AFDN: variants seen among roughly 807,000 people sequenced by gnomAD.
AFDN encodes the protein afadin.
In AFDN, 68 loss-of-function variants were observed where a neutral mutation model predicts 216.6. The observed-to-expected ratio is 0.31, with a 90% CI of 0.26 to 0.38. The LOEUF is 0.38. AFDN is among the 10% of genes least tolerant of loss of function. The pLI is 1.00. For missense variants in AFDN, 2,136 were observed against 2,342.0 expected (o/e 0.91, Z 1.82); for synonymous variants, 868 against 853.7 (o/e 1.02, Z -0.29).
intron 1 of AFDN, among the ~76,000 whole-genome samples, chr6:167,852,230 C>T (rs1427083534): frequency 6.6e-6 from 1 of 152,126 alleles, no homozygotes; most frequent in African/African-American, 2.4e-5. Context: ...TGTGGTTTTG[C>T]AGTTAATTTA....
At chr6:167,923,038 C>G (rs528197806) in intron 22 of AFDN, 79 bp downstream of exon 22, 347 of 992,170 alleles carry the variant, frequency 3.5e-4, no homozygotes, top group Non-Finnish European at 5.2e-4. Flanking sequence ...TTCTTTCTTA[C>G]ACTGAAGATT....
At chr6:167,904,628 C>A (rs1789419617) in intron 12 of AFDN, among the ~76,000 whole-genome samples, 2 of 152,126 alleles carry the variant, frequency 1.3e-5, no homozygotes. Flanking sequence ...TTCCCTGATC[C>A]TTCCCCACCT....
In AFDN at chr6:167,969,101, T is replaced by C. The variant is rs778947784; in HGVS notation, c.5258-13T>C. The C allele has an allele frequency of 1.2e-6, 2 of 1,603,356 alleles. No individual in the cohort carries two copies. The highest frequency in any genetic ancestry group is 3.3e-5 in the Admixed American group (2 of 60,012). On this transcript the variant is annotated splice_polypyrimidine_tract_variant and intron_variant, in intron 32 of 33. Transcript: ENST00000683244. The stretch of plus-strand genomic sequence containing the variant: ...CAGGTACTTTAACTTGTACTGTTTC[T>C]TTCATGGAAAAGGACCAAACTCTTA...
chr6:167,830,298 G>T (rs1185189030), intron 1 of AFDN, among the ~76,000 whole-genome samples: 1 of 152,154 alleles, frequency 6.6e-6, no homozygotes, highest in African/African-American at 2.4e-5. Flanking sequence ...ACTTGTCATT[G>T]TCATTGGTAT....
Position 167,971,217 on chromosome 6 carries a change from G to A in AFDN, c.*1282G>A, listed in dbSNP as rs927288121. 5 of 218,902 alleles carry A rather than the reference G, an allele frequency of 2.3e-5. No homozygotes were observed. Among genetic ancestry groups the A allele is most frequent in the African/African-American group, 4.5e-5 (2 of 44,544 alleles). The allele number at this position is 218,902 out of a possible 1,614,324, so 13.6% of individuals were successfully genotyped here. A position where few individuals can be genotyped will look rare whatever the true frequency, so the allele number is the denominator to read the frequency against. ...TACCATATTGTTCTCTTACACATAC[G>A]TATGTTAGGAAAATAGGCACACTTT... On this transcript the variant is annotated 3_prime_UTR_variant, in exon 34 of 34. Coordinates refer to ENST00000683244, the MANE Select transcript of AFDN (RefSeq NM_001386888.1).
intron 7 of AFDN, 75 bp from the exon 8 acceptor site, chr6:167,890,787 A>G (rs1787466411): frequency 2.8e-6 from 4 of 1,422,210 alleles, no homozygotes; most frequent in Non-Finnish European, 3.9e-6. Flanking sequence ...AAAGTTTTGC[A>G]CAGTTGACTG....
At chr6:167,889,435 CTTGTTG>C in intron 7 of AFDN, 109 bp downstream of exon 7, 1 of 770,582 alleles carries the variant, frequency 1.3e-6, no homozygotes, top group Non-Finnish European at 2.1e-6. Context: ...TTTGGATGGC[CTTGTTG>C]TTGTTGTTGT....
chr6:167,915,084 C>T lies in AFDN; in HGVS notation c.2300-84C>T, dbSNP rs1030409321. The T allele has an allele frequency of 1.8e-5, 26 of 1,406,366 alleles. No homozygotes were observed. The African/African-American group carries it at 3.5e-4, about 19-fold the overall frequency. The allele number at this position is 1,406,366 out of a possible 1,614,324, so 87.1% of individuals were successfully genotyped here. ...TAAACGGCACTTACTACCATAGGTA[C>T]CATTATCTAAATCTGCTGCACATTC... On this transcript the variant is annotated intron_variant, in intron 18 of 33. Coordinates refer to ENST00000683244, the MANE Select transcript of AFDN (RefSeq NM_001386888.1).
intron 6 of AFDN, among the ~76,000 whole-genome samples, chr6:167,880,989 T>G (rs1450777638): frequency 1.3e-5 from 2 of 152,256 alleles, no homozygotes; most frequent in Non-Finnish European, 2.9e-5. Flanking sequence ...AGTTTGTCAG[T>G]GTCTACCCAA....
At chr6:167,946,267 A>C (rs571616646) in intron 26 of AFDN, among the ~76,000 whole-genome samples, 1 of 152,380 alleles carries the variant, frequency 6.6e-6, no homozygotes, top group South Asian at 2.1e-4. Flanking sequence ...CAGGGTGAGC[A>C]AGCAAAAAGG....
intron 1 of AFDN, among the ~76,000 whole-genome samples, chr6:167,850,620 C>T (rs1782190292): frequency 6.6e-6 from 1 of 152,036 alleles, no homozygotes; most frequent in African/African-American, 2.4e-5. Flanking sequence ...TTATCTTCAT[C>T]GTTCAAATTT....
intron 23 of AFDN, among the ~76,000 whole-genome samples, chr6:167,930,034 T>G (rs1269530600): frequency 3.9e-5 from 6 of 152,056 alleles, no homozygotes; most frequent in African/African-American, 1.4e-4. Context: ...TGAGACCCCA[T>G]TTCTACAAAA....
chr6:167,833,357 A>C lies in AFDN; in HGVS notation c.105+6120A>C, dbSNP rs370824254. On this transcript the variant is annotated intron_variant, in intron 1 of 33. Coordinates refer to ENST00000683244, the MANE Select transcript of AFDN (RefSeq NM_001386888.1). ...TTCAGAATAGAAGAAAGGTTGACCC[A>C]ACATTATGATCCGTGAAAAAAATGC... Among the ~76,000 whole-genome samples, 26 of 152,270 alleles carry C rather than the reference A, an allele frequency of 1.7e-4. No individual in the cohort carries two copies. The South Asian group carries it at 5.2e-3, about 30-fold the overall frequency.
chr6:167,933,106 G>A (rs544463765), intron 23 of AFDN, among the ~76,000 whole-genome samples: 3 of 152,286 alleles, frequency 2.0e-5, no homozygotes, highest in African/African-American at 4.8e-5. Context: ...TATCTATGAT[G>A]TAACCTGTAT....
At chr6:167,832,407 G>A (rs1277014097) in intron 1 of AFDN, among the ~76,000 whole-genome samples, 2 of 152,100 alleles carry the variant, frequency 1.3e-5, no homozygotes, top group South Asian at 2.1e-4. Context: ...TGTGTAACTG[G>A]GCTAAAGCAG....
At chr6:167,914,849 T>C in intron 18 of AFDN, 111 bp downstream of exon 18, 2 of 750,084 alleles carry the variant, frequency 2.7e-6, no homozygotes, top group Non-Finnish European at 4.3e-6. Flanking sequence ...TGGGATGTCC[T>C]TTTGGGTTTG....
intron 1 of AFDN, among the ~76,000 whole-genome samples, chr6:167,862,346 C>G (rs1783678005): frequency 6.6e-6 from 1 of 151,674 alleles, no homozygotes; most frequent in Non-Finnish European, 1.5e-5. Flanking sequence ...AGTGTAGGAG[C>G]ATGTTTCGCA....
chr6:167,846,262 G>T (rs1781669405), intron 1 of AFDN, among the ~76,000 whole-genome samples: 3 of 151,928 alleles, frequency 2.0e-5, no homozygotes, highest in Admixed American at 2.0e-4. Flanking sequence ...ACTGGACTGC[G>T]TGGTATCGAA....
At chr6:167,909,784 T>G (rs1327933215) in intron 13 of AFDN, among the ~76,000 whole-genome samples, 1 of 152,178 alleles carries the variant, frequency 6.6e-6, no homozygotes, top group Non-Finnish European at 1.5e-5. Flanking sequence ...ACAATTTCAT[T>G]TTTCATTAAG....
Sources: allele counts gnomAD v4.1 joint callset (sites outside exome capture counted in the v4.1 genomes callset), GRCh38; gene constraint gnomAD v4.1.1; transcripts MANE v1.5; gene names NCBI Gene and HGNC (gene_info 2026-07-23, HGNC 2026-07-21).